Variants in DCDC1 observed in about 807,000 individuals in gnomAD.
DCDC1 encodes the protein doublecortin domain containing 1.
DCDC1 carries 200 observed loss-of-function variants against 178.3 expected under a neutral mutation model. The ratio of observed to expected loss-of-function variants is 1.12; its 90% CI spans 1.00 to 1.26. DCDC1 has a LOEUF of 1.26. Ranked by LOEUF, DCDC1 falls within the 50% of genes most tolerant of loss-of-function variation. The pLI is 0.00. For missense variants in DCDC1, 1,983 were observed against 1,749.2 expected, an observed-to-expected ratio of 1.13 and a Z score of -2.38; for synonymous variants, 690 against 604.8, an observed-to-expected ratio of 1.14 and a Z score of -2.07.
chr11:31,165,433 T>A (rs778748378), intron 9 of DCDC1, among the ~76,000 whole-genome samples: 1 of 152,048 alleles, frequency 6.6e-6, no homozygotes, highest in Admixed American at 6.6e-5. Context: ...CACCTCAGCT[T>A]TTTGAGCAGT....
At chr11:30,971,367 T>C (rs970069402) in intron 20 of DCDC1, among the ~76,000 whole-genome samples, 3 of 151,986 alleles carry the variant, frequency 2.0e-5, no homozygotes, top group Admixed American at 1.3e-4. Flanking sequence ...AAAATAATGA[T>C]ACTAAAGAAG....
At chr11:31,313,628 T>TA (rs1565596921) in intron 3 of DCDC1, among the ~76,000 whole-genome samples, 1 of 152,220 alleles carries the variant, frequency 6.6e-6, no homozygotes, top group Non-Finnish European at 1.5e-5. Flanking sequence ...TAAAATTCAG[T>TA]AAGTTGTATG....
At chr11:31,086,300 G>T (rs1302566420) in intron 17 of DCDC1, among the ~76,000 whole-genome samples, 1 of 152,120 alleles carries the variant, frequency 6.6e-6, no homozygotes, top group African/African-American at 2.4e-5. Flanking sequence ...CAAATATGTA[G>T]TGATGCTTCA....
chr11:31,280,162 T>A (rs1319016080), intron 7 of DCDC1, among the ~76,000 whole-genome samples: 5 of 152,160 alleles, frequency 3.3e-5, no homozygotes, highest in Non-Finnish European at 7.4e-5. Context: ...GAATTCTAAT[T>A]AGATTGGCAT....
intron 1 of DCDC1, among the ~76,000 whole-genome samples, chr11:31,362,482 A>G (rs1293811992): frequency 1.3e-5 from 2 of 152,218 alleles, no homozygotes; most frequent in African/African-American, 4.8e-5. Flanking sequence ...ATTAATATTC[A>G]CCACCTCTCA....
chr11:31,178,654 C>A (rs918571543), intron 9 of DCDC1, among the ~76,000 whole-genome samples: 1 of 152,046 alleles, frequency 6.6e-6, no homozygotes, highest in Non-Finnish European at 1.5e-5. Flanking sequence ...AATATAAAAA[C>A]AACTTAAACA....
chr11:31,257,968 T>C (rs528224972), intron 8 of DCDC1, among the ~76,000 whole-genome samples: 3 of 152,306 alleles, frequency 2.0e-5, no homozygotes, highest in African/African-American at 7.2e-5. Context: ...GAAGAGTTGG[T>C]ATTTACATTA....
chr11:31,274,516 G>A (rs1945828793), intron 7 of DCDC1, among the ~76,000 whole-genome samples: 1 of 151,880 alleles, frequency 6.6e-6, no homozygotes, highest in Non-Finnish European at 1.5e-5. Context: ...AATATTGAGA[G>A]TGGGGAACTA....
At chr11:30,972,411 A>G (rs1949853972) in intron 20 of DCDC1, among the ~76,000 whole-genome samples, 1 of 152,176 alleles carries the variant, frequency 6.6e-6, no homozygotes, top group African/African-American at 2.4e-5. Flanking sequence ...CTTTCTCAGA[A>G]AAGCAAAAAC....
intron 11 of DCDC1, among the ~76,000 whole-genome samples, chr11:31,110,770 A>C (rs1285819977): frequency 6.6e-6 from 1 of 152,168 alleles, no homozygotes; most frequent in African/African-American, 2.4e-5. Flanking sequence ...ATAAAGCCAC[A>C]AATAAGGTAA....
At position 30,911,336 on chromosome 11, in the gene DCDC1, AACTGGAT is replaced by A; in HGVS notation, c.3731_3737del (p.Tyr1244LeufsTer21). On this transcript the variant is annotated frameshift_variant, in exon 28 of 39. Transcript: ENST00000684477. LOFTEE classifies it high-confidence loss of function. ...GCCATACATATCTTACCTGAACAAT[AACTGGAT>A]AGCCACAAACTTCATTTCTAGTCTT... 1 of 1,602,130 alleles carries A rather than the reference AACTGGAT, an allele frequency of 6.2e-7. No homozygotes were observed. The highest frequency in any genetic ancestry group is 1.1e-5 in the South Asian group (1 of 88,260).
At chr11:31,313,799 A>C (rs1258360255) in intron 3 of DCDC1, among the ~76,000 whole-genome samples, 2 of 152,166 alleles carry the variant, frequency 1.3e-5, no homozygotes, top group Non-Finnish European at 2.9e-5. Context: ...CTTTTGTCCA[A>C]AGACAAAAAC....
chr11:31,228,351 A>C (rs532351908), intron 9 of DCDC1, among the ~76,000 whole-genome samples: 1 of 152,228 alleles, frequency 6.6e-6, no homozygotes, highest in South Asian at 2.1e-4. Flanking sequence ...AAAACTTTAA[A>C]GTCTTTTGAA....
At chr11:31,023,171 G>C (rs541473904) in intron 20 of DCDC1, among the ~76,000 whole-genome samples, 1 of 152,254 alleles carries the variant, frequency 6.6e-6, no homozygotes, top group African/African-American at 2.4e-5. Context: ...CTGTCCAGAA[G>C]CGTGGCAAGC....
intron 9 of DCDC1, among the ~76,000 whole-genome samples, chr11:31,167,239 A>T (rs1966844143): frequency 6.6e-6 from 1 of 152,220 alleles, no homozygotes; most frequent in African/African-American, 2.4e-5. Context: ...AAATGCTCTT[A>T]CATCAATATG....
Position 30,903,563 on chromosome 11 carries a change from A to G in DCDC1, c.4429T>C (p.Phe1477Leu), listed in dbSNP as rs755176821. The G allele has an allele frequency of 6.2e-7, 1 of 1,608,718 alleles. No individual in the cohort carries two copies. Among genetic ancestry groups the G allele is most frequent in the Non-Finnish European group, 8.5e-7 (1 of 1,177,362 alleles). Reference protein sequence around the residue: ...DLVLWALDESFLQRDSEKQKQ... With the variant: ...DLVLWALDESLLQRDSEKQKQ... ...TGTTTCTCAGAGTCTCTCTGGAGAA[A>G]GGATTCATCTAGAGCCCATAAAACC... is the stretch of plus-strand genomic sequence containing the variant. Residue 1477 changes from phenylalanine (F) to leucine (L), a missense_variant, in exon 32 of 39, where the codon TTT becomes CTT. By Grantham distance (22) the Phe-to-Leu change is conservative. Transcript: ENST00000684477.
At chr11:30,997,800 C>G (rs1209275232) in intron 20 of DCDC1, among the ~76,000 whole-genome samples, 1 of 148,136 alleles carries the variant, frequency 6.8e-6, no homozygotes, top group Non-Finnish European at 1.5e-5. Flanking sequence ...TTTTACCATA[C>G]CATAGTGTGT....
At chr11:31,113,299 TG>T (rs1193657591) in intron 11 of DCDC1, among the ~76,000 whole-genome samples, 1 of 152,182 alleles carries the variant, frequency 6.6e-6, no homozygotes, top group Non-Finnish European at 1.5e-5. Flanking sequence ...TTTGTTTGTT[TG>T]TTTTTTTATT....
At chr11:31,177,202 G>T (rs1279344137) in intron 9 of DCDC1, among the ~76,000 whole-genome samples, 2 of 152,020 alleles carry the variant, frequency 1.3e-5, no homozygotes, top group South Asian at 4.2e-4. Flanking sequence ...GAGACCAAAG[G>T]CGATTTGCTT....
Sources: gnomAD v4.1 joint callset for allele counts (sites outside exome capture counted in the v4.1 genomes callset) on GRCh38, gnomAD v4.1.1 for gene constraint, MANE v1.5 for transcripts, NCBI Gene and HGNC (gene_info 2026-07-23, HGNC 2026-07-21) for gene names.